The following PIK3R1 variants were observed in gnomAD, a reference collection of about 807,000 sequenced individuals.
PIK3R1 encodes phosphatidylinositol 3-kinase regulatory subunit alpha.
Under a neutral mutation model 98.0 loss-of-function variants are expected in PIK3R1, and 29 were observed. The observed-to-expected ratio is 0.30, with a 90% confidence interval of 0.22 to 0.40. PIK3R1 has a LOEUF of 0.40. Among genes scored for constraint, PIK3R1 ranks in the 10% least tolerant of loss-of-function variants. PIK3R1 has a pLI of 1.00. For missense variants in PIK3R1, 596 were observed against 872.7 expected (o/e 0.68, Z 3.99); for synonymous variants, 282 against 311.8 (o/e 0.90, Z 1.01).
In PIK3R1 at chr5:68,301,392, G is replaced by GTATATATATATATATATA. The variant is rs70987200; in HGVS notation, c.*3815_*3832dup. ...TGTGTGTGTGTGTGTGTGTGTGTGTGTATATATATATATATATATATATAT... is the reference window on the plus strand; with the variant it reads ...TGTGTGTGTGTGTGTGTGTGTGTGTGTATATATATATATATATATATATATATATATATATATATATAT... On this transcript the variant is annotated 3_prime_UTR_variant, in exon 16 of 16. Coordinates refer to ENST00000521381, the MANE Select transcript of PIK3R1 (RefSeq NM_181523.3). The GTATATATATATATATATA allele has an allele frequency of 4.4e-5, 2 of 45,306 alleles. No individual in the cohort carries two copies. Among genetic ancestry groups the GTATATATATATATATATA allele is most frequent in the Non-Finnish European group, 7.4e-5 (2 of 27,064 alleles). The allele number at this position is 45,306 out of a possible 1,614,324, so 2.8% of individuals were successfully genotyped here. A position where few individuals can be genotyped will look rare whatever the true frequency, so the allele number is the denominator to read the frequency against.
chr5:68,299,705 GTTTTTT>G lies in PIK3R1; in HGVS notation c.*2105_*2110del. On this transcript the variant is annotated 3_prime_UTR_variant, in exon 16 of 16. Coordinates refer to ENST00000521381, the MANE Select transcript of PIK3R1 (RefSeq NM_181523.3). The stretch of plus-strand genomic sequence containing the variant: ...TAGGGTGAGGGTTTTCTGTTACTTT[GTTTTTT>G]AATGTTGTTCCTTTTGAAAGAATCA... The G allele has an allele frequency of 4.3e-6, 1 of 233,108 alleles. No homozygotes were observed. The highest frequency in any genetic ancestry group is 6.0e-5 in the East Asian group (1 of 16,566). 14.4% of individuals were successfully genotyped at this position (233,108 alleles called of 1,614,324 possible).
At chr5:68,288,159 C>G (rs1747158439) in intron 7 of PIK3R1, among the ~76,000 whole-genome samples, 1 of 152,120 alleles carries the variant, frequency 6.6e-6, no homozygotes, top group Non-Finnish European at 1.5e-5. Context: ...ACTTGAGCCC[C>G]GCGAGCCAGC....
In PIK3R1 at chr5:68,300,426, T is replaced by C. The variant is rs1468373067; in HGVS notation, c.*2825T>C. 1 of 232,968 alleles carries C rather than the reference T, an allele frequency of 4.3e-6. No individual in the cohort carries two copies. Among genetic ancestry groups the C allele is most frequent in the Non-Finnish European group, 8.5e-6 (1 of 117,972 alleles). 14.4% of individuals were successfully genotyped at this position (232,968 alleles called of 1,614,324 possible). A position where few individuals can be genotyped will look rare whatever the true frequency, so the allele number is the denominator to read the frequency against. The stretch of plus-strand genomic sequence containing the variant: ...CAGAGGCACTCCTGATATATGATTT[T>C]TATCCATGCGTCAGTTTTTCCCACC... On this transcript the variant is annotated 3_prime_UTR_variant, in exon 16 of 16. Coordinates refer to ENST00000521381, the MANE Select transcript of PIK3R1 (RefSeq NM_181523.3).
chr5:68,295,264 G>A lies in PIK3R1; in HGVS notation c.1685G>A (p.Arg562His), dbSNP rs1554051268. ...QAAEYREIDK[R>H]MNSIKPDLIQ... ...GCTGAGTATCGAGAAATTGACAAACGTATGAACAGCATTAAACCAGACCTT... is the reference window on the plus strand; with the variant it reads ...GCTGAGTATCGAGAAATTGACAAACATATGAACAGCATTAAACCAGACCTT... Residue 562 changes from arginine (R) to histidine (H), a missense_variant, in exon 13 of 16, where the codon CGT becomes CAT. By Grantham distance (29) the Arg-to-His change is conservative. Coordinates refer to ENST00000521381, the MANE Select transcript of PIK3R1 (RefSeq NM_181523.3). 4.3e-6 allele frequency: 7 copies of A among 1,614,114 alleles called. No individual in the cohort carries two copies. The highest frequency in any genetic ancestry group is 4.5e-5 in the East Asian group (2 of 44,866).
chr5:68,288,403 T>C, intron 7 of PIK3R1: 1 of 1,190,902 alleles, frequency 8.4e-7, no homozygotes, highest in Non-Finnish European at 1.0e-6. Flanking sequence ...GCGCCTGGGC[T>C]CCTTTCCTCC....
rs956850478 is a variant in PIK3R1 at position 68,298,418 on chromosome 5, A to G, written c.*817A>G. The stretch of plus-strand genomic sequence containing the variant: ...AAATTCACAGCGCTATGCAATTCTT[A>G]ATTTTCATTAAGTTGTTATTTCAGT... On this transcript the variant is annotated 3_prime_UTR_variant, in exon 16 of 16. Transcript: ENST00000521381. The G allele has an allele frequency of 6.9e-5, 16 of 233,214 alleles. No individual in the cohort carries two copies. Among genetic ancestry groups the G allele is most frequent in the Non-Finnish European group, 1.3e-4 (15 of 117,876 alleles). 14.4% of individuals were successfully genotyped at this position (233,214 alleles called of 1,614,324 possible).
chr5:68,275,573 G>A (rs1746537874), intron 4 of PIK3R1, among the ~76,000 whole-genome samples: 1 of 150,582 alleles, frequency 6.6e-6, no homozygotes, highest in African/African-American at 2.4e-5. Flanking sequence ...CAACAACCAA[G>A]ATTCACGTCA....
chr5:68,295,081 T>C (rs1304510441), intron 12 of PIK3R1, 67 bp from the exon 13 acceptor site: 2 of 1,340,840 alleles, frequency 1.5e-6, no homozygotes, highest in Non-Finnish European at 2.0e-6. Flanking sequence ...AGTGAAACTT[T>C]TCATAAACTT....
chr5:68,271,584 AAT>A (rs200396786), intron 2 of PIK3R1, among the ~76,000 whole-genome samples: 2,032 of 135,202 alleles, frequency 0.015, 23 homozygotes, highest in Middle Eastern at 0.041. Flanking sequence ...AATCAGTTAA[AAT>A]AAAAAATTCA....
intron 5 of PIK3R1, 25 bp from the exon 6 acceptor site, chr5:68,280,503 T>TC: frequency 4.9e-6 from 1 of 203,466 alleles, no homozygotes; most frequent in Non-Finnish European, 8.7e-6. Flanking sequence ...CTCATTTCTC[T>TC]TTTTTTTTTT....
In PIK3R1 at chr5:68,298,640, G is replaced by A. The variant is rs1747861068; in HGVS notation, c.*1039G>A. The A allele has an allele frequency of 4.3e-6, 1 of 232,754 alleles. No individual in the cohort carries two copies. Among genetic ancestry groups the A allele is most frequent in the South Asian group, 1.8e-4 (1 of 5,518 alleles). The allele number at this position is 232,754 out of a possible 1,614,324, so 14.4% of individuals were successfully genotyped here. A position where few individuals can be genotyped will look rare whatever the true frequency, so the allele number is the denominator to read the frequency against. On this transcript the variant is annotated 3_prime_UTR_variant, in exon 16 of 16. Coordinates refer to ENST00000521381, the MANE Select transcript of PIK3R1 (RefSeq NM_181523.3). ...ACAGTTTTTCTTGTACAGAGTACTT[G>A]GCTGTTAGCCCAAGGTTAAAAAGTT...
rs1747495860 is a variant in PIK3R1 at position 68,293,293 on chromosome 5, G to GT, written c.1119-5dup. The GT allele has an allele frequency of 6.2e-7, 1 of 1,606,004 alleles. No homozygotes were observed. ...ATGTTAATACCTTTATTTTTATATT[G>GT]TTTTTACAGGAAAGGGGGAAATAAC... is the stretch of plus-strand genomic sequence containing the variant. On this transcript the variant is annotated splice_polypyrimidine_tract_variant and intron_variant, in intron 9 of 15. Transcript: ENST00000521381.
chr5:68,292,971 G>A, intron 8 of PIK3R1, 130 bp from the exon 9 acceptor site: 1 of 721,448 alleles, frequency 1.4e-6, no homozygotes, highest in East Asian at 2.7e-5. Flanking sequence ...AGGAATATGG[G>A]CACTCACTGT....
At position 68,301,486 on chromosome 5, in the gene PIK3R1, A is replaced by G. The variant is rs1437247472; in HGVS notation, c.*3885A>G. 3 of 141,524 alleles carry G rather than the reference A, an allele frequency of 2.1e-5. No homozygotes were observed. The highest frequency in any genetic ancestry group is 4.5e-5 in the Non-Finnish European group (3 of 66,506). The allele number at this position is 141,524 out of a possible 1,614,324, so 8.8% of individuals were successfully genotyped here. ...TATATATATGTATATACATATATGT[A>G]TATATATGCACATATATATATGTAT... On this transcript the variant is annotated 3_prime_UTR_variant, in exon 16 of 16. Transcript: ENST00000521381.
At chr5:68,271,255 C>A (rs1746347552) in intron 2 of PIK3R1, among the ~76,000 whole-genome samples, 2 of 152,278 alleles carry the variant, frequency 1.3e-5, no homozygotes, top group Admixed American at 1.3e-4. Context: ...CCCACCCAGC[C>A]CTCTGCACAG....
At chr5:68,237,674 G>T (rs1744716062) in intron 2 of PIK3R1, among the ~76,000 whole-genome samples, 1 of 151,442 alleles carries the variant, frequency 6.6e-6, no homozygotes, top group Non-Finnish European at 1.5e-5. Flanking sequence ...CTTCTTGAGA[G>T]TCTCCGAGAG....
At chr5:68,248,552 T>G (rs1039691062) in intron 2 of PIK3R1, among the ~76,000 whole-genome samples, 1 of 152,232 alleles carries the variant, frequency 6.6e-6, no homozygotes, top group Admixed American at 6.5e-5. Context: ...AATACTGTTT[T>G]GTTAGTGTCC....
chr5:68,238,593 A>G (rs897763199), intron 2 of PIK3R1, among the ~76,000 whole-genome samples: 1 of 152,330 alleles, frequency 6.6e-6, no homozygotes, highest in Non-Finnish European at 1.5e-5. Flanking sequence ...ATGTAATAGC[A>G]TATTAAAATT....
Position 68,297,817 on chromosome 5 carries a change from A to G in PIK3R1, c.*216A>G. 2.5e-6 allele frequency: 1 copy of G among 399,542 alleles called. No homozygotes were observed. The highest frequency in any genetic ancestry group is 4.4e-6 in the Non-Finnish European group (1 of 225,466). 24.7% of individuals were successfully genotyped at this position (399,542 alleles called of 1,614,324 possible). The stretch of plus-strand genomic sequence containing the variant: ...CACACGTTCCTAAGCTGGAGTGCTT[A>G]TCCCTTCTTTTTCTTTTTTTCTTTG... On this transcript the variant is annotated 3_prime_UTR_variant, in exon 16 of 16. Coordinates refer to ENST00000521381, the MANE Select transcript of PIK3R1 (RefSeq NM_181523.3).
Sources: allele counts gnomAD v4.1 joint callset (sites outside exome capture counted in the v4.1 genomes callset), GRCh38; gene constraint gnomAD v4.1.1; transcripts MANE v1.5; gene names NCBI Gene and HGNC (gene_info 2026-07-23, HGNC 2026-07-21).